Variants in FOCAD observed in about 807,000 individuals in gnomAD.
The protein encoded by FOCAD is KIAA1797.
FOCAD carries 198 observed loss-of-function variants against 225.6 expected under a neutral mutation model. The observed-to-expected ratio is 0.88, with a 90% confidence interval of 0.78 to 0.99. The LOEUF (loss-of-function observed/expected upper bound fraction) is 0.99, where lower values mean the gene tolerates loss of function less well. Ranked by LOEUF, FOCAD falls within the 50% of genes least tolerant of loss-of-function variation. The pLI, the probability that FOCAD is intolerant of heterozygous loss-of-function variation, is 0.00. For missense variants in FOCAD, 2,713 were observed against 2,123.6 expected (o/e 1.28, Z -5.46); for synonymous variants, 897 against 755.0 (o/e 1.19, Z -3.08).
chr9:20,819,091 A>G (rs748221352), intron 11 of FOCAD, among the ~76,000 whole-genome samples: 46 of 152,266 alleles, frequency 3.0e-4, no homozygotes, highest in Non-Finnish European at 4.4e-4. Context: ...TTTATAGTAC[A>G]CTGACTTCAG....
intron 24 of FOCAD, among the ~76,000 whole-genome samples, chr9:20,918,333 A>G (rs1399720416): frequency 1.3e-5 from 2 of 152,232 alleles, no homozygotes; most frequent in Admixed American, 1.3e-4. Flanking sequence ...TGTAATTTTC[A>G]TATTCACAAA....
chr9:20,860,301 C>T (rs1029898263), intron 15 of FOCAD, among the ~76,000 whole-genome samples: 1 of 152,064 alleles, frequency 6.6e-6, no homozygotes, highest in Non-Finnish European at 1.5e-5. Context: ...TGTATTAGCC[C>T]ATTTTCATAC....
chr9:20,774,417 G>A (rs1005654459), intron 8 of FOCAD, among the ~76,000 whole-genome samples: 1 of 152,100 alleles, frequency 6.6e-6, no homozygotes, highest in African/African-American at 2.4e-5. Flanking sequence ...GTTGCAGAGT[G>A]GTAATGTTCT....
At chr9:20,914,319 C>T (rs1307451771) in intron 23 of FOCAD, among the ~76,000 whole-genome samples, 1 of 152,096 alleles carries the variant, frequency 6.6e-6, no homozygotes, top group African/African-American at 2.4e-5. Flanking sequence ...TTCTTTGTCC[C>T]TCCAAAGCTT....
chr9:20,712,465 G>T (rs1824934170), intron 1 of FOCAD, among the ~76,000 whole-genome samples: 1 of 152,028 alleles, frequency 6.6e-6, no homozygotes, highest in South Asian at 2.1e-4. Flanking sequence ...TTCGAGACTA[G>T]CCTGGCCAAC....
At chr9:20,743,808 G>A (rs1485922840) in intron 5 of FOCAD, among the ~76,000 whole-genome samples, 2 of 152,188 alleles carry the variant, frequency 1.3e-5, no homozygotes, top group Non-Finnish European at 2.9e-5. Context: ...TATTGCTTCA[G>A]TATCTGGGAG....
At chr9:20,694,296 AG>A (rs1363737644) in intron 1 of FOCAD, among the ~76,000 whole-genome samples, 2 of 152,346 alleles carry the variant, frequency 1.3e-5, no homozygotes, top group African/African-American at 2.4e-5. Flanking sequence ...TTCAGATAAG[AG>A]AAGTGTTTTA....
At chr9:20,732,732 A>T (rs1277450831) in intron 4 of FOCAD, among the ~76,000 whole-genome samples, 2 of 152,104 alleles carry the variant, frequency 1.3e-5, no homozygotes, top group African/African-American at 4.8e-5. Flanking sequence ...GCTGTAGTCG[A>T]GTGAGAGGTG....
intron 28 of FOCAD, among the ~76,000 whole-genome samples, chr9:20,941,166 A>G (rs1200300888): frequency 6.6e-6 from 1 of 152,140 alleles, no homozygotes; most frequent in African/African-American, 2.4e-5. Flanking sequence ...CACCCAGAGC[A>G]AATTCACCAT....
At chr9:20,719,080 T>C (rs1316026711) in intron 3 of FOCAD, among the ~76,000 whole-genome samples, 1 of 152,072 alleles carries the variant, frequency 6.6e-6, no homozygotes, top group Non-Finnish European at 1.5e-5. Flanking sequence ...ATGATGTTGA[T>C]TTTCTTTTCT....
At chr9:20,871,855 A>G (rs973772993) in intron 18 of FOCAD, among the ~76,000 whole-genome samples, 1 of 150,346 alleles carries the variant, frequency 6.7e-6, no homozygotes. Context: ...ACATGTATAC[A>G]TATGTAACTA....
intron 1 of FOCAD, among the ~76,000 whole-genome samples, chr9:20,694,297 G>A (rs1823168899): frequency 6.6e-6 from 1 of 152,120 alleles, no homozygotes; most frequent in African/African-American, 2.4e-5. Flanking sequence ...TCAGATAAGA[G>A]AAGTGTTTTA....
chr9:20,862,523 G>T (rs1376600188), intron 15 of FOCAD, 55 bp from the exon 16 acceptor site: 4 of 1,571,554 alleles, frequency 2.5e-6, no homozygotes, highest in Non-Finnish European at 1.7e-6. Context: ...TTAATTAATG[G>T]CTTCATATAG....
At chr9:20,965,739 A>G (rs1839198207) in intron 35 of FOCAD, among the ~76,000 whole-genome samples, 1 of 152,172 alleles carries the variant, frequency 6.6e-6, no homozygotes, top group South Asian at 2.1e-4. Context: ...TTCTGTCTTT[A>G]TGTATTTTCC....
In FOCAD at chr9:20,859,581, C is replaced by T. The variant is rs569313212; in HGVS notation, c.1921-2997C>T. Among the ~76,000 whole-genome samples the T allele has an allele frequency of 5.9e-3, 884 of 149,070 alleles. 7 individuals are homozygous for T. The highest frequency in any genetic ancestry group is 0.02 in the African/African-American group (836 of 40,884). On this transcript the variant is annotated intron_variant, in intron 15 of 43. Transcript: ENST00000338382. ...ATGTCTTTTATTAATTTTGGAAATT[C>T]TTAGCCATTACTTTTTTGACTAGTG...
chr9:20,805,386 C>G (rs1391933553), intron 11 of FOCAD, among the ~76,000 whole-genome samples: 1 of 152,120 alleles, frequency 6.6e-6, no homozygotes, highest in Non-Finnish European at 1.5e-5. Flanking sequence ...AGCTGTCAAT[C>G]CATTTGTTAT....
In FOCAD at chr9:20,803,166, A is replaced by G. The variant is rs558809682; in HGVS notation, c.1455+13558A>G. 3.3e-5 allele frequency among the ~76,000 whole-genome samples: 5 copies of G among 152,244 alleles called. No individual in the cohort carries two copies. In the East Asian group the frequency reaches 9.7e-4, roughly 30 times the overall value. On this transcript the variant is annotated intron_variant, in intron 11 of 43. Transcript: ENST00000338382. ...ATGGAATTATCATTCAGCTTGAAATACTATAGATGCCTTGTTTTTAGGAAA... is the reference window on the plus strand; with the variant it reads ...ATGGAATTATCATTCAGCTTGAAATGCTATAGATGCCTTGTTTTTAGGAAA...
chr9:20,805,233 G>T (rs1318074583), intron 11 of FOCAD, among the ~76,000 whole-genome samples: 2 of 152,132 alleles, frequency 1.3e-5, no homozygotes, highest in East Asian at 3.9e-4. Context: ...TTTTAGTTCT[G>T]CATGGCAACC....
chr9:20,862,963 C>T (rs1456040181), intron 16 of FOCAD: 3 of 287,984 alleles, frequency 1.0e-5, no homozygotes, highest in Admixed American at 5.2e-5. Flanking sequence ...TATTGTAAAA[C>T]TAGTGTTTCC....
Sources: gnomAD v4.1 joint callset for allele counts (sites outside exome capture counted in the v4.1 genomes callset) on GRCh38, gnomAD v4.1.1 for gene constraint, MANE v1.5 for transcripts, NCBI Gene and HGNC (gene_info 2026-07-23, HGNC 2026-07-21) for gene names.